Variants in TBC1D4 observed in about 807,000 individuals in gnomAD.
The protein encoded by TBC1D4 is TBC1 domain family member 4.
TBC1D4 carries 121 observed loss-of-function variants against 142.5 expected under a neutral mutation model. That is an observed-to-expected ratio of 0.85 (90% CI 0.73 to 0.99). The LOEUF is 0.99. Among genes scored for constraint, TBC1D4 ranks in the 50% least tolerant of loss-of-function variants. The pLI is 0.00. For synonymous variants in TBC1D4, 630 were observed against 628.2 expected, an observed-to-expected ratio of 1.00 and a Z score of -0.04; for missense variants, 1,475 against 1,606.6, an observed-to-expected ratio of 0.92 and a Z score of 1.40.
At chr13:75,426,941 C>T (rs1192338797) in intron 1 of TBC1D4, among the ~76,000 whole-genome samples, 2 of 151,188 alleles carry the variant, frequency 1.3e-5, no homozygotes, top group South Asian at 4.2e-4. Flanking sequence ...CCCAGCTACT[C>T]GGGAGGCTGA....
At chr13:75,444,479 A>T (rs1220096688) in intron 1 of TBC1D4, among the ~76,000 whole-genome samples, 1 of 152,210 alleles carries the variant, frequency 6.6e-6, no homozygotes, top group African/African-American at 2.4e-5. Flanking sequence ...AGATAAGATA[A>T]TAATAAAGTC....
chr13:75,402,395 A>G (rs1337044328), intron 1 of TBC1D4, among the ~76,000 whole-genome samples: 1 of 152,090 alleles, frequency 6.6e-6, no homozygotes, highest in Non-Finnish European at 1.5e-5. Context: ...GAAACATGCC[A>G]AAGGACTGAA....
intron 1 of TBC1D4, among the ~76,000 whole-genome samples, chr13:75,467,290 A>AGT (rs1447503015): frequency 6.6e-6 from 1 of 152,270 alleles, no homozygotes; most frequent in Non-Finnish European, 1.5e-5. Context: ...CTTAACAAGC[A>AGT]GCTGTGTTTG....
intron 1 of TBC1D4, among the ~76,000 whole-genome samples, chr13:75,452,585 C>G (rs963444697): frequency 3.9e-5 from 6 of 152,200 alleles, no homozygotes; most frequent in Middle Eastern, 3.4e-3. Flanking sequence ...TTCTAAGAAC[C>G]TGCCAACTAA....
intron 1 of TBC1D4, 112 bp downstream of exon 1, chr13:75,481,158 G>A: frequency 7.0e-7 from 1 of 1,432,448 alleles, no homozygotes. Context: ...GAGCGCGCGC[G>A]CCTGCAGCCA....
intron 8 of TBC1D4, among the ~76,000 whole-genome samples, chr13:75,331,150 T>A (rs1183295433): frequency 6.6e-6 from 1 of 152,150 alleles, no homozygotes; most frequent in Non-Finnish European, 1.5e-5. Context: ...GATATTACTC[T>A]GAAGAAAGTA....
chr13:75,417,362 A>C (rs1233084084), intron 1 of TBC1D4, among the ~76,000 whole-genome samples: 11 of 152,190 alleles, frequency 7.2e-5, no homozygotes, highest in Admixed American at 7.2e-4. Flanking sequence ...GCCCCGGGTA[A>C]GTGCTACCTG....
chr13:75,391,401 C>T (rs1289685272), intron 1 of TBC1D4, among the ~76,000 whole-genome samples: 1 of 152,130 alleles, frequency 6.6e-6, no homozygotes, highest in Non-Finnish European at 1.5e-5. Context: ...GCAATTACTC[C>T]CGCCACCCCA....
intron 1 of TBC1D4, among the ~76,000 whole-genome samples, chr13:75,458,257 G>A (rs572401781): frequency 6.6e-6 from 1 of 152,132 alleles, no homozygotes; most frequent in Non-Finnish European, 1.5e-5. Context: ...TTCCCCTGGA[G>A]TTCGGCTGTC....
chr13:75,291,465 T>C (rs765179011), intron 19 of TBC1D4, among the ~76,000 whole-genome samples: 1 of 152,204 alleles, frequency 6.6e-6, no homozygotes, highest in Non-Finnish European at 1.5e-5. Context: ...CTGTGTTGGA[T>C]TGCCTTACGC....
intron 12 of TBC1D4, chr13:75,316,402 T>C (rs1358007715): frequency 6.6e-6 from 1 of 152,198 alleles, no homozygotes; most frequent in Non-Finnish European, 1.5e-5. Flanking sequence ...TGGAATTTAC[T>C]GACTAGTAAT....
rs1300506086 is a variant in TBC1D4, at chr13:75,362,985, C to A, written c.499-378G>T. On this transcript the variant is annotated intron_variant, in intron 1 of 20. Coordinates refer to ENST00000377636, the MANE Select transcript of TBC1D4 (RefSeq NM_014832.5). The surrounding 1 kb of genome is among the most constrained non-coding windows in gnomAD (Gnocchi z 4.2). ...AGTTCCAACCATGAGGACAAAATAA[C>A]CTTTTTTGATGAGGAGATTAAAACC... is the stretch of plus-strand genomic sequence containing the variant. Among the ~76,000 whole-genome samples, 2 of 152,144 alleles carry A rather than the reference C, an allele frequency of 1.3e-5. No individual in the cohort carries two copies. Among genetic ancestry groups the A allele is most frequent in the African/African-American group, 4.8e-5 (2 of 41,440 alleles).
At chr13:75,381,835 C>T (rs1883865499) in intron 1 of TBC1D4, among the ~76,000 whole-genome samples, 2 of 152,150 alleles carry the variant, frequency 1.3e-5, no homozygotes, top group Non-Finnish European at 2.9e-5. Context: ...TCCAAACACA[C>T]AAAATAATAT....
Position 75,349,588 on chromosome 13 carries a change from CAG to C in TBC1D4, c.1276-288_1276-287del, listed in dbSNP as rs1370466777. Among the ~76,000 whole-genome samples, 4 of 152,178 alleles carry C rather than the reference CAG, an allele frequency of 2.6e-5. No homozygotes were observed. In the East Asian group the frequency reaches 7.7e-4, roughly 29 times the overall value. ...AATTGCATTGAGGGCTATGCCGTCA[CAG>C]AGAGTTTAATTAGTTAATCCTTCTG... On this transcript the variant is annotated intron_variant, in intron 4 of 20. Transcript: ENST00000377636.
intron 17 of TBC1D4, among the ~76,000 whole-genome samples, chr13:75,296,177 T>G (rs2328938): frequency 0.52 from 79,184 of 151,700 alleles, 21,143 homozygotes; most frequent in Non-Finnish European, 0.57. Context: ...GTCATAGCTA[T>G]AAAATAAGAA....
intron 12 of TBC1D4, among the ~76,000 whole-genome samples, chr13:75,319,421 AG>A (rs2137975323): frequency 6.6e-6 from 1 of 152,358 alleles, no homozygotes; most frequent in Non-Finnish European, 1.5e-5. Context: ...CCACAAAAAA[AG>A]CATGTGAGTC....
At chr13:75,356,020 A>G (rs1882013183) in intron 4 of TBC1D4, 127 bp downstream of exon 4, 2 of 747,170 alleles carry the variant, frequency 2.7e-6, no homozygotes, top group African/African-American at 1.7e-5. Flanking sequence ...GGGGAGGAAC[A>G]TATTTCTAGA....
At position 75,453,600 on chromosome 13, in the gene TBC1D4, A is replaced by G. The variant is rs143169412; in HGVS notation, c.498+27670T>C. On this transcript the variant is annotated intron_variant, in intron 1 of 20. Transcript: ENST00000377636. ...TTCTTGGCTGGGCGCGGTGGCTCAC[A>G]CCCGTAATCCCAGCACTTTGGGATG... is the stretch of plus-strand genomic sequence containing the variant. Among the ~76,000 whole-genome samples the G allele has an allele frequency of 4.0e-3, 608 of 152,260 alleles. 5 individuals carry two copies. The highest frequency in any genetic ancestry group is 0.01 in the Middle Eastern group (3 of 294).
intron 12 of TBC1D4, among the ~76,000 whole-genome samples, chr13:75,319,136 G>A (rs1280867320): frequency 2.0e-5 from 3 of 152,172 alleles, no homozygotes; most frequent in African/African-American, 7.2e-5. Context: ...ACTGAGACTT[G>A]CCAATTACCA....
Sources: allele counts gnomAD v4.1 joint callset (sites outside exome capture counted in the v4.1 genomes callset), GRCh38; gene constraint gnomAD v4.1.1; non-coding constraint Gnocchi (gnomAD v3.1); transcripts MANE v1.5; gene names NCBI Gene and HGNC (gene_info 2026-07-23, HGNC 2026-07-21).